The following LRP4 variants were observed in gnomAD, a reference collection of about 807,000 sequenced individuals.
LRP4 encodes the protein low-density lipoprotein receptor-related protein 4.
LRP4 carries 95 observed loss-of-function variants against 220.3 expected under a neutral mutation model. That is an observed-to-expected ratio of 0.43 (90% CI 0.37 to 0.51). LRP4 has a LOEUF of 0.51. Among genes scored for constraint, LRP4 ranks in the 20% least tolerant of loss-of-function variants. LRP4 has a pLI of 0.00. For missense variants in LRP4, 1,925 were observed against 2,567.0 expected (o/e 0.75, Z 5.40); for synonymous variants, 903 against 954.6 (o/e 0.95, Z 1.00).
chr11:46,885,772 CAAA>C (rs34867767), intron 18 of LRP4, among the ~76,000 whole-genome samples: 2 of 57,202 alleles, frequency 3.5e-5, no homozygotes, highest in Non-Finnish European at 8.2e-5. Context: ...GACTCCGCCT[CAAA>C]AAAAAAAAAA....
At chr11:46,892,358 T>G (rs1043956705) in intron 13 of LRP4, among the ~76,000 whole-genome samples, 1 of 152,192 alleles carries the variant, frequency 6.6e-6, no homozygotes, top group Non-Finnish European at 1.5e-5. Flanking sequence ...CTACAACTTA[T>G]CTAATGTGTG....
At chr11:46,905,302 C>A (rs1941741840) in intron 1 of LRP4, among the ~76,000 whole-genome samples, 1 of 152,206 alleles carries the variant, frequency 6.6e-6, no homozygotes, top group Non-Finnish European at 1.5e-5. Context: ...TGTAGGCACC[C>A]TTTTGGTGAA....
At chr11:46,906,074 G>A (rs1941754400) in intron 1 of LRP4, among the ~76,000 whole-genome samples, 1 of 152,150 alleles carries the variant, frequency 6.6e-6, no homozygotes, top group Non-Finnish European at 1.5e-5. Flanking sequence ...ACTGGACCTG[G>A]AGCAGACAGA....
At position 46,896,298 on chromosome 11, in the gene LRP4, C is replaced by T. The variant is rs1941530582; in HGVS notation, c.960G>A (p.Trp320Ter). 2 of 1,614,150 alleles carry T rather than the reference C, an allele frequency of 1.2e-6. No homozygotes were observed. Among genetic ancestry groups the T allele is most frequent in the Non-Finnish European group, 1.7e-6 (2 of 1,180,044 alleles). ...PQCALDQFLC[W>*]NGRCIGQRKL... Reference sequence around the variant, plus strand: ...TCCTCTGCCCAATGCAGCGCCCATTCCAACACAGGAACTGGTCCAAGGCAC... The same window carrying T: ...TCCTCTGCCCAATGCAGCGCCCATTTCAACACAGGAACTGGTCCAAGGCAC... The change falls in exon 9 of 38, where the codon TGG (tryptophan) becomes TGA (stop). Residue 320 changes from tryptophan to a stop codon, truncating the protein, a stop_gained. Transcript: ENST00000378623. LOFTEE classifies it high-confidence loss of function.
intron 20 of LRP4, among the ~76,000 whole-genome samples, chr11:46,880,202 T>C (rs949095913): frequency 2.0e-5 from 3 of 150,596 alleles, no homozygotes; most frequent in Non-Finnish European, 4.4e-5. Flanking sequence ...CTAGATTAGT[T>C]GGGCCCGGTG....
intron 6 of LRP4, 69 bp from the exon 7 acceptor site, chr11:46,898,746 A>G: frequency 6.2e-7 from 1 of 1,609,946 alleles, no homozygotes; most frequent in Non-Finnish European, 8.5e-7. Flanking sequence ...AGAAGGCCAC[A>G]GCCCCAGAAT....
chr11:46,918,003 T>C lies in LRP4; in HGVS notation c.52+325A>G, dbSNP rs1469508331. 2.0e-5 allele frequency among the ~76,000 whole-genome samples: 3 copies of C among 152,120 alleles called. No homozygotes were observed. The East Asian group carries it at 5.8e-4, about 29-fold the overall frequency. On this transcript the variant is annotated intron_variant, in intron 1 of 37. Transcript: ENST00000378623. This position sits in a 1 kb window ranked among gnomAD's most constrained non-coding sequence, Gnocchi z 6.0. ...CACCAAGGACACAGAGCCCCCGACCTAACCTGAAAGGGAAGCAGCCCCCGC... is the reference window on the plus strand; with the variant it reads ...CACCAAGGACACAGAGCCCCCGACCCAACCTGAAAGGGAAGCAGCCCCCGC...
At chr11:46,861,042 A>C (rs1940531984) in intron 37 of LRP4, 14 of 712,372 alleles carry the variant, frequency 2.0e-5, no homozygotes, top group Non-Finnish European at 2.4e-5. Context: ...TTTCATTGCT[A>C]TCCTGTGGCC....
intron 1 of LRP4, among the ~76,000 whole-genome samples, chr11:46,911,828 A>AGAT (rs1282532325): frequency 1.3e-5 from 2 of 148,748 alleles, no homozygotes; most frequent in Non-Finnish European, 3.0e-5. Context: ...CCCATCTGTA[A>AGAT]GATGGGAATC....
intron 18 of LRP4, 131 bp downstream of exon 18, chr11:46,885,960 G>C: frequency 2.5e-6 from 2 of 812,274 alleles, no homozygotes; most frequent in South Asian, 2.8e-5. Flanking sequence ...TCCGGCTTCT[G>C]ACCTACCAAG....
chr11:46,886,850 A>G (rs1391122429), intron 16 of LRP4, among the ~76,000 whole-genome samples: 1 of 151,926 alleles, frequency 6.6e-6, no homozygotes, highest in East Asian at 1.9e-4. Context: ...CCCACTGCCA[A>G]CCCCTGACCC....
chr11:46,913,396 TAAA>T (rs1179372549), intron 1 of LRP4, among the ~76,000 whole-genome samples: 1 of 151,846 alleles, frequency 6.6e-6, no homozygotes, highest in Non-Finnish European at 1.5e-5. Context: ...GGCACCAACT[TAAA>T]AAGAAGAAAC....
chr11:46,871,699 TG>T, intron 30 of LRP4, 66 bp from the exon 31 acceptor site: 2 of 1,048,024 alleles, frequency 1.9e-6, no homozygotes, highest in Non-Finnish European at 2.9e-6. Context: ...CTTCCCCCTA[TG>T]AACCTGTTTG....
chr11:46,909,824 T>C (rs1222613008), intron 1 of LRP4, among the ~76,000 whole-genome samples: 2 of 152,006 alleles, frequency 1.3e-5, no homozygotes, highest in Admixed American at 6.6e-5. Context: ...TAAATAAAAG[T>C]AGTTATTTCC....
At position 46,873,484 on chromosome 11, in the gene LRP4, T is replaced by C; in HGVS notation, c.4339A>G (p.Thr1447Ala). The change falls in exon 29 of 38, where the codon ACA (threonine) becomes GCA (alanine). Residue 1447 changes from threonine (T) to alanine (A), a missense_variant. Physicochemically the swap from Thr to Ala is moderately conservative, Grantham distance 58. Coordinates refer to ENST00000378623, the MANE Select transcript of LRP4 (RefSeq NM_002334.4). The surrounding 1 kb of genome is among the most constrained non-coding windows in gnomAD (Gnocchi z 4.2). Reference protein sequence around the residue: ...WVARNLYWTDTGRNTIEASRL... With the variant: ...WVARNLYWTDAGRNTIEASRL... ...GACGCCTCAATGGTATTTCGACCTG[T>C]GTCTGTCCAGTACAGGTTCCTGGCC... is the stretch of plus-strand genomic sequence containing the variant. The C allele has an allele frequency of 6.2e-7, 1 of 1,614,230 alleles. No homozygotes were observed. The highest frequency in any genetic ancestry group is 8.5e-7 in the Non-Finnish European group (1 of 1,180,044).
At chr11:46,888,596 G>GAATGAAAT (rs1324595004) in intron 16 of LRP4, among the ~76,000 whole-genome samples, 2 of 106,704 alleles carry the variant, frequency 1.9e-5, no homozygotes, top group Non-Finnish European at 2.1e-5. Context: ...AAAACTCAGA[G>GAATGAAAT]AATGAAATTA....
chr11:46,899,975 G>T lies in LRP4; in HGVS notation c.318C>A (p.Pro106=), dbSNP rs1004824306. 1.9e-6 allele frequency: 3 copies of T among 1,611,224 alleles called. No individual in the cohort carries two copies. Among genetic ancestry groups the T allele is most frequent in the Non-Finnish European group, 2.5e-6 (3 of 1,177,988 alleles). The stretch of plus-strand genomic sequence containing the variant: ...ACTCGTCCTCCTCACACTCCCGGGG[G>T]GCTGTGGGCACAGAGCAGTCAGGCT... ...CEDDSDEQDC[P]PRECEEDEFP... Residue 106 remains proline, a splice_region_variant and synonymous_variant, in exon 4 of 38, where the codon CCC becomes CCA. Transcript: ENST00000378623. The surrounding 1 kb of genome is among the most constrained non-coding windows in gnomAD (Gnocchi z 5.9).
chr11:46,868,535 G>C, intron 33 of LRP4, 65 bp downstream of exon 33: 1 of 1,128,338 alleles, frequency 8.9e-7, no homozygotes, highest in Non-Finnish European at 1.4e-6. Context: ...CAGTATCAGA[G>C]GCTGCTGACT....
intron 1 of LRP4, among the ~76,000 whole-genome samples, chr11:46,916,991 CGCTCTTCGGAGAGAAAGA>C (rs1941956068): frequency 6.6e-6 from 1 of 152,228 alleles, no homozygotes; most frequent in Non-Finnish European, 1.5e-5. Context: ...GCCAAGCTAC[CGCTCTTCGGAGAGAAAGA>C]GCTCAGTCCG....
Sources: gnomAD v4.1 joint callset for allele counts (sites outside exome capture counted in the v4.1 genomes callset) on GRCh38, gnomAD v4.1.1 for gene constraint, Gnocchi (gnomAD v3.1) non-coding constraint, MANE v1.5 for transcripts, NCBI Gene and HGNC (gene_info 2026-07-23, HGNC 2026-07-21) for gene names.